The following RRAGD variants were observed in gnomAD, a reference collection of about 807,000 sequenced individuals.
The protein encoded by RRAGD is Ras related GTP binding D, also known as ras-related GTP-binding protein D.
Under a neutral mutation model 35.5 loss-of-function variants are expected in RRAGD, and 12 were observed. The observed-to-expected ratio is 0.34, with a 90% CI of 0.22 to 0.55. The LOEUF is 0.55. RRAGD is among the 20% of genes least tolerant of loss of function. RRAGD has a pLI of 0.91. For missense variants in RRAGD, 324 were observed against 490.1 expected (o/e 0.66, Z 3.20); for synonymous variants, 155 against 178.9 (o/e 0.87, Z 1.07).
rs149464991 is a variant in RRAGD, at chr6:89,406,237, G to A, written c.148+5609C>T. Among the ~76,000 whole-genome samples the A allele has an allele frequency of 3.2e-4, 48 of 152,258 alleles. No individual in the cohort carries two copies. In the South Asian group the frequency reaches 6.0e-3, roughly 19 times the overall value. On this transcript the variant is annotated intron_variant, in intron 1 of 6. Transcript: ENST00000369415. ...GGGTGTGGTCCCTTTAAACGGTATG[G>A]AAGGGAGAAGGGAAGTGCCAGGCAG... is the stretch of plus-strand genomic sequence containing the variant.
At chr6:89,402,128 A>T (rs1024029231) in intron 1 of RRAGD, among the ~76,000 whole-genome samples, 1 of 141,688 alleles carries the variant, frequency 7.1e-6, no homozygotes, top group Non-Finnish European at 1.5e-5. Flanking sequence ...GCTCACTGCA[A>T]CCTCCGCCTC....
chr6:89,401,775 T>C (rs1769470039), intron 1 of RRAGD, among the ~76,000 whole-genome samples: 1 of 152,160 alleles, frequency 6.6e-6, no homozygotes, highest in Non-Finnish European at 1.5e-5. Flanking sequence ...GCACTATCAC[T>C]TCCTGGGCCA....
At chr6:89,409,020 G>T (rs1769644300) in intron 1 of RRAGD, among the ~76,000 whole-genome samples, 1 of 152,122 alleles carries the variant, frequency 6.6e-6, no homozygotes, top group Admixed American at 6.5e-5. Flanking sequence ...GAACTAATGT[G>T]CCTGAGAACA....
At chr6:89,386,651 CTACT>C (rs1336715379) in intron 2 of RRAGD, among the ~76,000 whole-genome samples, 2 of 152,116 alleles carry the variant, frequency 1.3e-5, no homozygotes, top group Admixed American at 6.5e-5. Context: ...TCATATCCAC[CTACT>C]TACTTATGTG....
In RRAGD at chr6:89,373,000, C is replaced by T. The variant is rs558612659; in HGVS notation, c.903-415G>A. Among the ~76,000 whole-genome samples, 13 of 152,318 alleles carry T rather than the reference C, an allele frequency of 8.5e-5. No homozygotes were observed. In the South Asian group the frequency reaches 1.9e-3, roughly 22 times the overall value. The stretch of plus-strand genomic sequence containing the variant: ...TCTAAAGAGACCTGAAAGCCAAGTG[C>T]TAGACTGGATCCTGAATTGGGAAAA... On this transcript the variant is annotated intron_variant, in intron 5 of 6. Coordinates refer to ENST00000369415, the MANE Select transcript of RRAGD (RefSeq NM_021244.5).
At chr6:89,385,034 C>T (rs913419840) in intron 2 of RRAGD, among the ~76,000 whole-genome samples, 1 of 151,918 alleles carries the variant, frequency 6.6e-6, no homozygotes, top group African/African-American at 2.4e-5. Flanking sequence ...CACTGCACTC[C>T]AGCCTGGGCA....
chr6:89,408,624 C>G (rs1769631043), intron 1 of RRAGD, among the ~76,000 whole-genome samples: 1 of 152,166 alleles, frequency 6.6e-6, no homozygotes, highest in Non-Finnish European at 1.5e-5. Flanking sequence ...GTCACTTCCT[C>G]AGACCCTAAG....
chr6:89,368,319 CG>C, intron 6 of RRAGD, 112 bp from the exon 7 acceptor site: 1 of 874,186 alleles, frequency 1.1e-6, no homozygotes. Context: ...ATGGTCTTAG[CG>C]TAAGGACCAG....
Position 89,379,303 on chromosome 6 carries a change from A to G in RRAGD, c.680T>C (p.Phe227Ser), listed in dbSNP as rs1167509388. 1.2e-6 allele frequency: 2 copies of G among 1,602,072 alleles called. No individual in the cohort carries two copies. The highest frequency in any genetic ancestry group is 1.7e-6 in the Non-Finnish European group (2 of 1,170,614). Residue 227 changes from phenylalanine to serine, a missense_variant, in exon 4 of 7, where the codon TTT (phenylalanine) becomes TCT (serine). Transcript: ENST00000369415. The part of the protein sequence containing the change: ...YLTSIYDHSI[F>S]EAFSKVVQKL... ...CTGAACAACTTTGCTAAAAGCTTCA[A>G]ATATTGAATGATCATATATGCTTGT...
chr6:89,408,600 A>G (rs1005795708), intron 1 of RRAGD, among the ~76,000 whole-genome samples: 2 of 152,300 alleles, frequency 1.3e-5, no homozygotes, highest in Non-Finnish European at 2.9e-5. Context: ...ATGCCTCCAG[A>G]AACCACCTAC....
intron 1 of RRAGD, among the ~76,000 whole-genome samples, chr6:89,397,834 T>C (rs780342388): frequency 5.9e-5 from 9 of 152,194 alleles, no homozygotes; most frequent in Admixed American, 1.3e-4. Context: ...AAATAGCGTA[T>C]CAGTGGTTAC....
chr6:89,400,874 T>C (rs1769446380), intron 1 of RRAGD, among the ~76,000 whole-genome samples: 1 of 152,174 alleles, frequency 6.6e-6, no homozygotes, highest in Admixed American at 6.5e-5. Flanking sequence ...AGGGCTCCCC[T>C]TCAACCTACC....
At chr6:89,398,851 T>C (rs956781688) in intron 1 of RRAGD, among the ~76,000 whole-genome samples, 5 of 152,282 alleles carry the variant, frequency 3.3e-5, no homozygotes, top group Middle Eastern at 3.4e-3. Flanking sequence ...TTACCACCAA[T>C]CAGCTGTCTG....
chr6:89,379,192 A>G (rs1345528991), intron 4 of RRAGD, 32 bp downstream of exon 4: 5 of 1,141,136 alleles, frequency 4.4e-6, no homozygotes, highest in Non-Finnish European at 6.5e-6. Flanking sequence ...CAAATTCTAC[A>G]AGTGACTCAA....
chr6:89,380,939 C>T (rs552802687), intron 2 of RRAGD, among the ~76,000 whole-genome samples: 2 of 149,716 alleles, frequency 1.3e-5, no homozygotes, highest in Admixed American at 1.3e-4. Context: ...ATCAGAGTTG[C>T]GGTTTCAGGA....
At chr6:89,393,614 G>A (rs1020513722) in intron 1 of RRAGD, among the ~76,000 whole-genome samples, 3 of 152,212 alleles carry the variant, frequency 2.0e-5, no homozygotes, top group Non-Finnish European at 4.4e-5. Flanking sequence ...ACTACAATGT[G>A]TGGAGAAGAG....
At chr6:89,380,050 A>G (rs1456376086) in intron 3 of RRAGD, 118 bp downstream of exon 3, 2 of 837,202 alleles carry the variant, frequency 2.4e-6, no homozygotes, top group East Asian at 2.4e-5. Flanking sequence ...CTACAGCATG[A>G]AACAGGGTAA....
chr6:89,389,496 C>T (rs143867215), intron 1 of RRAGD, among the ~76,000 whole-genome samples: 12,742 of 143,210 alleles, frequency 0.089, 748 homozygotes, highest in South Asian at 0.15. Flanking sequence ...GCGGAGCTTG[C>T]AGTGGGCCGA....
chr6:89,377,241 G>C (rs971616086), intron 5 of RRAGD, among the ~76,000 whole-genome samples: 2 of 152,106 alleles, frequency 1.3e-5, no homozygotes, highest in African/African-American at 4.8e-5. Flanking sequence ...GTGGCTTTTT[G>C]ACTGTTCAAA....
Sources: gnomAD v4.1 joint callset for allele counts (sites outside exome capture counted in the v4.1 genomes callset) on GRCh38, gnomAD v4.1.1 for gene constraint, MANE v1.5 for transcripts, NCBI Gene and HGNC (gene_info 2026-07-23, HGNC 2026-07-21) for gene names.